Variants in THBS2 observed in about 807,000 individuals in gnomAD.
THBS2 encodes the protein thrombospondin 2.
A neutral mutation model predicts 135.2 loss-of-function variants in THBS2; 47 were observed. That is an observed-to-expected ratio of 0.35 (90% CI 0.28 to 0.44). THBS2 has a LOEUF of 0.44. Ranked by LOEUF, THBS2 falls within the 20% of genes least tolerant of loss-of-function variation. THBS2 has a pLI of 1.00. For missense variants in THBS2, 1,288 were observed against 1,603.1 expected (o/e 0.80, Z 3.36); for synonymous variants, 639 against 633.8 (o/e 1.01, Z -0.12).
At position 169,250,737 on chromosome 6, in the gene THBS2, C is replaced by G; in HGVS notation, c.48G>C (p.Thr16=). The change falls in exon 2 of 22, where the codon ACG becomes ACC. Residue 16 remains threonine, a synonymous_variant. Transcript: ENST00000617924. ...ACAGGCTCTGAGGACACTCACCTTGCGTGCTGGGCCACACCCACAGAGCCA... is the reference window on the plus strand; with the variant it reads ...ACAGGCTCTGAGGACACTCACCTTGGGTGCTGGGCCACACCCACAGAGCCA... The part of the protein sequence containing the change: ...VLLALWVWPS[T]QAGHQDKDTT... 6.2e-7 allele frequency: 1 copy of G among 1,613,318 alleles called. No homozygotes were observed. The highest frequency in any genetic ancestry group is 8.5e-7 in the Non-Finnish European group (1 of 1,179,660).
At position 169,241,505 on chromosome 6, in the gene THBS2, G is replaced by T. The variant is rs1282101084; in HGVS notation, c.891+257C>A. 6.6e-6 allele frequency among the ~76,000 whole-genome samples: 1 copy of T among 152,038 alleles called. No individual in the cohort carries two copies. The highest frequency in any genetic ancestry group is 1.5e-5 in the Non-Finnish European group (1 of 68,010). ...AAGGAGGTAAATTTCCCAAAATTAA[G>T]AATTTATTTTGGAGACTGTGCCCAG... is the stretch of plus-strand genomic sequence containing the variant. On this transcript the variant is annotated intron_variant, in intron 5 of 21. Coordinates refer to ENST00000617924, the MANE Select transcript of THBS2 (RefSeq NM_003247.5). This position sits in a 1 kb window ranked among gnomAD's most constrained non-coding sequence, Gnocchi z 5.5.
At chr6:169,223,122 A>G (rs1583405053) in intron 18 of THBS2, 126 bp downstream of exon 18, 1 of 839,884 alleles carries the variant, frequency 1.2e-6, no homozygotes, top group East Asian at 2.7e-5. Flanking sequence ...AGACCATGGA[A>G]GGATGGGGGC....
In THBS2 at chr6:169,233,764, C is replaced by A. The variant is rs758105110; in HGVS notation, c.1652-747G>T. Among the ~76,000 whole-genome samples the A allele has an allele frequency of 1.3e-5, 2 of 150,274 alleles. 1 individual carries two copies. The highest frequency in any genetic ancestry group is 3.0e-5 in the Non-Finnish European group (2 of 67,482). ...TCCACACTACACAACTACCTACACA[C>A]CATGTTCCAGACCACACAACTACCA... On this transcript the variant is annotated intron_variant, in intron 10 of 21. Coordinates refer to ENST00000617924, the MANE Select transcript of THBS2 (RefSeq NM_003247.5).
At chr6:169,230,428 G>T (rs948982278) in intron 13 of THBS2, among the ~76,000 whole-genome samples, 2 of 152,164 alleles carry the variant, frequency 1.3e-5, no homozygotes, top group Non-Finnish European at 2.9e-5. Flanking sequence ...GGGGTCTTGT[G>T]CTGGAGCCCA....
chr6:169,229,252 A>G (rs528424548), intron 14 of THBS2, among the ~76,000 whole-genome samples: 16 of 152,376 alleles, frequency 1.1e-4, no homozygotes, highest in African/African-American at 2.6e-4. Flanking sequence ...AGGCAAGTCT[A>G]TCACTCATGG....
chr6:169,248,399 C>T lies in THBS2; in HGVS notation c.609+18G>A, dbSNP rs1780632547. On this transcript the variant is annotated intron_variant, in intron 3 of 21. Coordinates refer to ENST00000617924, the MANE Select transcript of THBS2 (RefSeq NM_003247.5). ...GCTCTTTCCTCCCTCACGGCGGCCA[C>T]CTCCCTGCAGAGCGTACCCTGAAGT... The T allele has an allele frequency of 6.3e-7, 1 of 1,584,504 alleles. No homozygotes were observed. Among genetic ancestry groups the T allele is most frequent in the Non-Finnish European group, 8.6e-7 (1 of 1,160,364 alleles).
chr6:169,234,065 G>A (rs1779947088), intron 10 of THBS2, among the ~76,000 whole-genome samples: 1 of 150,098 alleles, frequency 6.7e-6, no homozygotes, highest in Non-Finnish European at 1.5e-5. Context: ...CGCTGCCCAT[G>A]CACCATGTTC....
Position 169,232,744 on chromosome 6 carries a change from G to A in THBS2, c.1852C>T (p.His618Tyr), listed in dbSNP as rs1490038944. Residue 618 changes from histidine to tyrosine, a missense_variant, in exon 12 of 22, where the codon CAC (histidine) becomes TAC (tyrosine). His to Tyr is a moderately conservative substitution (Grantham distance 83, BLOSUM62 2). This residue lies in a region of THBS2 where 874 missense variants were observed against 1,156.1 expected (regional missense o/e 0.76). Transcript: ENST00000617924. ...PRCVNTQPGFHCLPCPPRYRG... is the reference protein window; with the variant it reads ...PRCVNTQPGFYCLPCPPRYRG... ...TATCGGGGCGGGCAGGGCAGGCAGT[G>A]GAAGCCAGGCTGAGTGTTGACACAG... The A allele has an allele frequency of 1.2e-6, 2 of 1,614,016 alleles. No individual in the cohort carries two copies. Among genetic ancestry groups the A allele is most frequent in the South Asian group, 1.1e-5 (1 of 91,088 alleles).
At position 169,252,721 on chromosome 6, in the gene THBS2, G is replaced by A. The variant is rs1450861885; in HGVS notation, c.-23+1003C>T. 1.3e-5 allele frequency among the ~76,000 whole-genome samples: 2 copies of A among 152,166 alleles called. No individual in the cohort carries two copies. Among genetic ancestry groups the A allele is most frequent in the Non-Finnish European group, 2.9e-5 (2 of 68,044 alleles). ...GGCATGCATGGATGGAGCCACGGATGAGCCAGTGCCGCTCACCCCTGCCCC... is the reference window on the plus strand; with the variant it reads ...GGCATGCATGGATGGAGCCACGGATAAGCCAGTGCCGCTCACCCCTGCCCC... On this transcript the variant is annotated intron_variant, in intron 1 of 21. Coordinates refer to ENST00000617924, the MANE Select transcript of THBS2 (RefSeq NM_003247.5). This position sits in a 1 kb window ranked among gnomAD's most constrained non-coding sequence, Gnocchi z 4.3.
rs200335975 is a variant in THBS2 at position 169,241,738 on chromosome 6, C to T, written c.891+24G>A. On this transcript the variant is annotated intron_variant, in intron 5 of 21. Transcript: ENST00000617924. This position sits in a 1 kb window ranked among gnomAD's most constrained non-coding sequence, Gnocchi z 5.5. Reference sequence around the variant, plus strand: ...GGAGCTGCCCATGCCCTATGACCCCCGCGGCCCCTGCGTGAGTACCCACCA... The same window carrying T: ...GGAGCTGCCCATGCCCTATGACCCCTGCGGCCCCTGCGTGAGTACCCACCA... The T allele has an allele frequency of 6.4e-4, 1,011 of 1,583,938 alleles. 7 individuals carry two copies. The African/African-American group carries it at 0.012, about 18-fold the overall frequency.
chr6:169,228,334 G>A (rs984412248), intron 14 of THBS2, 53 bp from the exon 15 acceptor site: 64 of 1,595,328 alleles, frequency 4.0e-5, no homozygotes, highest in African/African-American at 6.7e-5. Flanking sequence ...AATGTGTGTC[G>A]GGCCGTTTAG....
chr6:169,239,164 C>T (rs372578003), intron 7 of THBS2: 1 of 167,232 alleles, frequency 6.0e-6, no homozygotes, highest in Non-Finnish European at 1.3e-5. Context: ...TCCCTTAGAA[C>T]ATATTCTTCG....
At chr6:169,248,167 A>G (rs968354870) in intron 3 of THBS2, among the ~76,000 whole-genome samples, 2 of 141,936 alleles carry the variant, frequency 1.4e-5, no homozygotes, top group Non-Finnish European at 3.1e-5. Context: ...GTTTGTGAGC[A>G]TGTGTGTTTG....
intron 4 of THBS2, among the ~76,000 whole-genome samples, chr6:169,245,884 C>T (rs942060706): frequency 6.6e-6 from 1 of 151,678 alleles, no homozygotes; most frequent in Non-Finnish European, 1.5e-5. Flanking sequence ...CATTAATATA[C>T]TGGAAAAGTT....
chr6:169,219,765 T>C (rs1476125743), intron 21 of THBS2: 2 of 518,740 alleles, frequency 3.9e-6, no homozygotes, highest in East Asian at 1.1e-4. Flanking sequence ...TCAAGTTATC[T>C]TCCAGGTCTA....
chr6:169,219,977 G>A (rs1265838282), intron 21 of THBS2, among the ~76,000 whole-genome samples: 2 of 152,148 alleles, frequency 1.3e-5, no homozygotes, highest in East Asian at 1.9e-4. Context: ...TAATTGGAAA[G>A]TGTTCTACCA....
rs1583417127 is a variant in THBS2, at chr6:169,241,090, C to A, written c.892-498G>T. Among the ~76,000 whole-genome samples, 1 of 151,704 alleles carries A rather than the reference C, an allele frequency of 6.6e-6. No individual in the cohort carries two copies. The highest frequency in any genetic ancestry group is 2.4e-5 in the African/African-American group (1 of 41,292). On this transcript the variant is annotated intron_variant, in intron 5 of 21. Transcript: ENST00000617924. This position sits in a 1 kb window ranked among gnomAD's most constrained non-coding sequence, Gnocchi z 5.5. Reference sequence around the variant, plus strand: ...ACTCCTGCCCCTGCCGCCCTCCCTGCCCTGGGCTCCATCTCCTGGCATCAT... The same window carrying A: ...ACTCCTGCCCCTGCCGCCCTCCCTGACCTGGGCTCCATCTCCTGGCATCAT...
intron 9 of THBS2, among the ~76,000 whole-genome samples, chr6:169,235,371 C>T (rs1227949299): frequency 6.6e-6 from 1 of 151,610 alleles, no homozygotes; most frequent in East Asian, 2.0e-4. Flanking sequence ...CCAAGCTGTC[C>T]CTCTGCCATG....
intron 4 of THBS2, 131 bp downstream of exon 4, chr6:169,246,066 G>A (rs1780544233): frequency 1.6e-6 from 1 of 631,258 alleles, no homozygotes; most frequent in South Asian, 2.8e-5. Flanking sequence ...AATAGTGGTA[G>A]TTACCCAAAT....
Sources: gnomAD v4.1 joint callset for allele counts (sites outside exome capture counted in the v4.1 genomes callset) on GRCh38, gnomAD v4.1.1 for gene constraint, gnomAD v4.1.1 regional missense constraint, Gnocchi (gnomAD v3.1) non-coding constraint, MANE v1.5 for transcripts, NCBI Gene and HGNC (gene_info 2026-07-23, HGNC 2026-07-21) for gene names.